The following DNER variants were observed in gnomAD, a reference collection of about 807,000 sequenced individuals.
DNER encodes delta/notch like EGF repeat containing.
DNER carries 33 observed loss-of-function variants against 78.2 expected under a neutral mutation model. That is an observed-to-expected ratio of 0.42 (90% CI 0.32 to 0.56). DNER has a LOEUF of 0.56. Ranked by LOEUF, DNER falls within the 20% of genes least tolerant of loss-of-function variation. DNER has a pLI of 0.11. For synonymous variants in DNER, 417 were observed against 384.8 expected (o/e 1.08, Z -0.98); for missense variants, 918 against 975.3 (o/e 0.94, Z 0.78).
At chr2:229,383,436 C>T (rs1158728828) in intron 11 of DNER, among the ~76,000 whole-genome samples, 1 of 152,156 alleles carries the variant, frequency 6.6e-6, no homozygotes, top group Non-Finnish European at 1.5e-5. Context: ...TGTAAATGGG[C>T]TAAATGCCTC....
intron 1 of DNER, among the ~76,000 whole-genome samples, chr2:229,628,732 C>T (rs1390390794): frequency 6.6e-6 from 1 of 152,142 alleles, no homozygotes; most frequent in Admixed American, 6.5e-5. Context: ...ACCCAGCTTC[C>T]TGAGGCAGTG....
At chr2:229,681,277 T>A (rs1447571458) in intron 1 of DNER, among the ~76,000 whole-genome samples, 1 of 152,182 alleles carries the variant, frequency 6.6e-6, no homozygotes, top group South Asian at 2.1e-4. Flanking sequence ...GGACATGGAA[T>A]GCTTGAGAAA....
Position 229,714,172 on chromosome 2 carries a change from G to A in DNER, c.252C>T (p.Ala84=), listed in dbSNP as rs1355300263. ...GEPGYSCTCP[A]GISGANCQLV... Reference sequence around the variant, plus strand: ...CCTGGCAGTTGGCGCCGGAGATCCCGGCGGGGCAGGTGCAGCTGTAGCCAG... The same window carrying A: ...CCTGGCAGTTGGCGCCGGAGATCCCAGCGGGGCAGGTGCAGCTGTAGCCAG... Residue 84 remains alanine, a synonymous_variant, in exon 1 of 13, where the codon GCC becomes GCT. Transcript: ENST00000341772. 3 of 1,332,286 alleles carry A rather than the reference G, an allele frequency of 2.3e-6. No individual in the cohort carries two copies. Among genetic ancestry groups the A allele is most frequent in the African/African-American group, 3.1e-5 (2 of 65,094 alleles). 82.5% of individuals were successfully genotyped at this position (1,332,286 alleles called of 1,614,324 possible). A position where few individuals can be genotyped will look rare whatever the true frequency, so the allele number is the denominator to read the frequency against.
chr2:229,692,148 T>A (rs189514814), intron 1 of DNER, among the ~76,000 whole-genome samples: 224 of 152,328 alleles, frequency 1.5e-3, no homozygotes, highest in Non-Finnish European at 2.7e-3. Context: ...CTTAAGTTAT[T>A]TGAATTGAGT....
chr2:229,520,097 A>T (rs1157485697), intron 5 of DNER, among the ~76,000 whole-genome samples: 1 of 152,010 alleles, frequency 6.6e-6, no homozygotes. Context: ...GATGTCTGAG[A>T]CTCTAGTTAC....
At chr2:229,650,180 C>T (rs1698791106) in intron 1 of DNER, among the ~76,000 whole-genome samples, 1 of 151,964 alleles carries the variant, frequency 6.6e-6, no homozygotes, top group Non-Finnish European at 1.5e-5. Flanking sequence ...CCCGTACATT[C>T]TGACTAAGGA....
chr2:229,433,892 T>C (rs1304631974), intron 8 of DNER, among the ~76,000 whole-genome samples: 2 of 152,250 alleles, frequency 1.3e-5, no homozygotes, highest in East Asian at 3.8e-4. Flanking sequence ...CTGAAGGTAA[T>C]TTATGTTGCT....
At chr2:229,452,712 T>C (rs1323328142) in intron 7 of DNER, among the ~76,000 whole-genome samples, 2 of 152,242 alleles carry the variant, frequency 1.3e-5, no homozygotes, top group Non-Finnish European at 2.9e-5. Flanking sequence ...CACTGCAACC[T>C]CCGCCTCCTG....
intron 1 of DNER, among the ~76,000 whole-genome samples, chr2:229,622,104 AC>A (rs201519776): frequency 3.1e-4 from 47 of 151,994 alleles, no homozygotes; most frequent in African/African-American, 9.4e-4. Context: ...AAACAAACAA[AC>A]AAAAAAAAGA....
intron 6 of DNER, among the ~76,000 whole-genome samples, chr2:229,481,892 G>C (rs1485212719): frequency 6.6e-6 from 1 of 152,158 alleles, no homozygotes; most frequent in African/African-American, 2.4e-5. Context: ...ATTTGCTCTA[G>C]CATGCATACA....
At chr2:229,435,820 T>C (rs1694110301) in intron 8 of DNER, among the ~76,000 whole-genome samples, 1 of 152,198 alleles carries the variant, frequency 6.6e-6, no homozygotes, top group Non-Finnish European at 1.5e-5. Context: ...ACTAAGGACC[T>C]CTTTAGGCAA....
intron 1 of DNER, among the ~76,000 whole-genome samples, chr2:229,668,496 T>C (rs1699138565): frequency 8.3e-6 from 1 of 121,158 alleles, no homozygotes; most frequent in Admixed American, 8.4e-5. Context: ...ATATATATAC[T>C]TACCTATATA....
intron 9 of DNER, 31 bp from the exon 10 acceptor site, chr2:229,407,376 C>T: frequency 6.3e-7 from 1 of 1,592,004 alleles, no homozygotes; most frequent in Non-Finnish European, 8.6e-7. Context: ...CAGGATGACT[C>T]ATCCAGGACT....
chr2:229,375,471 T>C (rs1002448863), intron 11 of DNER, among the ~76,000 whole-genome samples: 2 of 152,156 alleles, frequency 1.3e-5, no homozygotes, highest in African/African-American at 4.8e-5. Flanking sequence ...TCCCCACATC[T>C]AGCCACAATC....
intron 4 of DNER, among the ~76,000 whole-genome samples, chr2:229,556,194 A>G (rs907600109): frequency 1.3e-5 from 2 of 152,234 alleles, no homozygotes; most frequent in Non-Finnish European, 2.9e-5. Flanking sequence ...CTTGATGAAC[A>G]CTTACTGAAC....
chr2:229,370,927 T>C (rs1339876322), intron 11 of DNER, among the ~76,000 whole-genome samples: 2 of 152,118 alleles, frequency 1.3e-5, no homozygotes, highest in Non-Finnish European at 2.9e-5. Flanking sequence ...GCCACTAAAG[T>C]GAAAAAAACA....
intron 4 of DNER, among the ~76,000 whole-genome samples, chr2:229,557,118 C>G (rs991120198): frequency 1.3e-5 from 2 of 152,052 alleles, no homozygotes; most frequent in African/African-American, 2.4e-5. Flanking sequence ...AAAGGGGCAG[C>G]AGGAAGAATC....
rs564813272 is a variant in DNER at position 229,486,918 on chromosome 2, G to T, written c.1148-9665C>A. ...TCTGGGGGTGGGGCCTGGCAACTGAGGTTTAAGAAGTCCTACAGGTGATAC... is the reference window on the plus strand; with the variant it reads ...TCTGGGGGTGGGGCCTGGCAACTGATGTTTAAGAAGTCCTACAGGTGATAC... On this transcript the variant is annotated intron_variant, in intron 6 of 12. Coordinates refer to ENST00000341772, the MANE Select transcript of DNER (RefSeq NM_139072.4). 3.3e-5 allele frequency among the ~76,000 whole-genome samples: 5 copies of T among 152,272 alleles called. No homozygotes were observed. In the South Asian group the frequency reaches 1.0e-3, roughly 32 times the overall value.
At chr2:229,649,878 T>G (rs1002062747) in intron 1 of DNER, among the ~76,000 whole-genome samples, 1 of 151,824 alleles carries the variant, frequency 6.6e-6, no homozygotes, top group African/African-American at 2.4e-5. Context: ...ATCGAGACCA[T>G]CCTGGCTAAT....
Sources: gnomAD v4.1 joint callset for allele counts (sites outside exome capture counted in the v4.1 genomes callset) on GRCh38, gnomAD v4.1.1 for gene constraint, MANE v1.5 for transcripts, NCBI Gene and HGNC (gene_info 2026-07-23, HGNC 2026-07-21) for gene names.